Variants in CNTNAP2 observed in about 807,000 individuals in gnomAD.
The protein encoded by CNTNAP2 is contactin associated protein 2.
Under a neutral mutation model 155.2 loss-of-function variants are expected in CNTNAP2, and 98 were observed. That is an observed-to-expected ratio of 0.63 (90% CI 0.54 to 0.75). CNTNAP2 has a LOEUF of 0.75. Among genes scored for constraint, CNTNAP2 ranks in the 30% least tolerant of loss-of-function variants. The pLI is 0.00. For synonymous variants in CNTNAP2, 651 were observed against 631.2 expected (o/e 1.03, Z -0.47); for missense variants, 1,727 against 1,688.1 (o/e 1.02, Z -0.40).
At chr7:147,711,018 C>T (rs906880840) in intron 13 of CNTNAP2, among the ~76,000 whole-genome samples, 1 of 152,164 alleles carries the variant, frequency 6.6e-6, no homozygotes, top group Non-Finnish European at 1.5e-5. Flanking sequence ...CTCAGCAAGA[C>T]ATTTGACATT....
At position 146,580,472 on chromosome 7, in the gene CNTNAP2, T is replaced by TA. The variant is rs71165016; in HGVS notation, c.98-193785dup. Reference sequence around the variant, plus strand: ...AAACAAATGAGGTATTATCCCCAATTAAAAAAAAAAAAAAGATTCAAGAGA... The same window carrying TA: ...AAACAAATGAGGTATTATCCCCAATTAAAAAAAAAAAAAAAGATTCAAGAGA... On this transcript the variant is annotated intron_variant, in intron 1 of 23. Transcript: ENST00000361727. Among the ~76,000 whole-genome samples, 240 of 146,742 alleles carry TA rather than the reference T, an allele frequency of 1.6e-3. 1 individual carries two copies. The highest frequency in any genetic ancestry group is 2.3e-3 in the Non-Finnish European group (155 of 66,576).
chr7:147,891,210 T>TG (rs1799686321), intron 13 of CNTNAP2, among the ~76,000 whole-genome samples: 1 of 147,068 alleles, frequency 6.8e-6, no homozygotes, highest in African/African-American at 2.6e-5. Flanking sequence ...CAAATAGATT[T>TG]TTTTTTTTTT....
At chr7:146,771,790 G>C (rs1283298590) in intron 1 of CNTNAP2, among the ~76,000 whole-genome samples, 1 of 152,046 alleles carries the variant, frequency 6.6e-6, no homozygotes, top group Non-Finnish European at 1.5e-5. Flanking sequence ...GAATTTACAA[G>C]AAAATTAGTT....
chr7:147,374,632 G>C (rs1402291117), intron 9 of CNTNAP2, among the ~76,000 whole-genome samples: 1 of 151,978 alleles, frequency 6.6e-6, no homozygotes, highest in Non-Finnish European at 1.5e-5. Flanking sequence ...TTGTGACATA[G>C]CATATCCCTT....
At chr7:147,671,398 A>G (rs1337329390) in intron 13 of CNTNAP2, among the ~76,000 whole-genome samples, 1 of 152,232 alleles carries the variant, frequency 6.6e-6, no homozygotes, top group Non-Finnish European at 1.5e-5. Context: ...AGCTCTCAGA[A>G]CAACGCTGAG....
chr7:147,053,127 T>A (rs918528593), intron 4 of CNTNAP2, among the ~76,000 whole-genome samples: 2 of 152,102 alleles, frequency 1.3e-5, no homozygotes, highest in African/African-American at 4.8e-5. Flanking sequence ...AGGCTAATGA[T>A]GAAAGTGCAC....
intron 13 of CNTNAP2, among the ~76,000 whole-genome samples, chr7:147,783,499 T>A (rs145282941): frequency 4.1e-4 from 62 of 152,336 alleles, no homozygotes; most frequent in African/African-American, 1.3e-3. Flanking sequence ...CTAGGACTGA[T>A]GCCACAAAGT....
At position 146,361,637 on chromosome 7, in the gene CNTNAP2, C is replaced by G. The variant is rs906023903; in HGVS notation, c.97+244664C>G. Reference sequence around the variant, plus strand: ...GATTCTGTGTCGAATGGTTATGTTCCTCTCTGGTGGAGAGTAGATTACTCC... The same window carrying G: ...GATTCTGTGTCGAATGGTTATGTTCGTCTCTGGTGGAGAGTAGATTACTCC... On this transcript the variant is annotated intron_variant, in intron 1 of 23. Coordinates refer to ENST00000361727, the MANE Select transcript of CNTNAP2 (RefSeq NM_014141.6). 2.0e-5 allele frequency among the ~76,000 whole-genome samples: 3 copies of G among 152,092 alleles called. No homozygotes were observed. The East Asian group carries it at 5.8e-4, about 29-fold the overall frequency.
At chr7:148,097,975 C>G (rs1245387665) in intron 15 of CNTNAP2, among the ~76,000 whole-genome samples, 1 of 152,118 alleles carries the variant, frequency 6.6e-6, no homozygotes, top group Non-Finnish European at 1.5e-5. Flanking sequence ...ATAAAAATTA[C>G]ATGGATAGAG....
intron 3 of CNTNAP2, among the ~76,000 whole-genome samples, chr7:146,876,950 C>G (rs184547567): frequency 5.3e-5 from 8 of 152,206 alleles, no homozygotes; most frequent in Middle Eastern, 6.8e-3. Context: ...TCATATTTCA[C>G]TATTTAGGTT....
chr7:146,383,145 G>T (rs1175362076), intron 1 of CNTNAP2, among the ~76,000 whole-genome samples: 1 of 152,116 alleles, frequency 6.6e-6, no homozygotes, highest in Admixed American at 6.5e-5. Context: ...AGAGAAGTTG[G>T]TGTACTTTAT....
At position 148,172,489 on chromosome 7, in the gene CNTNAP2, A is replaced by G. The variant is rs747599655; in HGVS notation, c.3010+11A>G. ...CATTTTGCAACAAAGGTAAGGTGGA[A>G]CCCATTTCCAGAGCCACTTTTGCGT... is the stretch of plus-strand genomic sequence containing the variant. On this transcript the variant is annotated intron_variant, in intron 18 of 23. Coordinates refer to ENST00000361727, the MANE Select transcript of CNTNAP2 (RefSeq NM_014141.6). 6.2e-7 allele frequency: 1 copy of G among 1,611,946 alleles called. No individual in the cohort carries two copies.
chr7:147,553,237 A>G (rs1799885617), intron 11 of CNTNAP2, among the ~76,000 whole-genome samples: 1 of 152,146 alleles, frequency 6.6e-6, no homozygotes, highest in African/African-American at 2.4e-5. Context: ...CCTTGAATCT[A>G]AGATCGCAGA....
chr7:146,535,265 T>C (rs1210542466), intron 1 of CNTNAP2, among the ~76,000 whole-genome samples: 1 of 56,632 alleles, frequency 1.8e-5, no homozygotes, highest in South Asian at 5.2e-4. Context: ...TATTATATCA[T>C]ATATATTATA....
chr7:147,420,014 A>G (rs2116505958), intron 10 of CNTNAP2, among the ~76,000 whole-genome samples: 1 of 152,330 alleles, frequency 6.6e-6, no homozygotes, highest in East Asian at 1.9e-4. Flanking sequence ...ATTCCACTAG[A>G]CACACAGGGC....
At chr7:146,400,797 G>C (rs1795703167) in intron 1 of CNTNAP2, among the ~76,000 whole-genome samples, 1 of 152,236 alleles carries the variant, frequency 6.6e-6, no homozygotes, top group South Asian at 2.1e-4. Flanking sequence ...ATAAGGAGTT[G>C]CAGAGGCTGA....
At chr7:147,384,285 G>A (rs928792407) in intron 9 of CNTNAP2, among the ~76,000 whole-genome samples, 1 of 152,158 alleles carries the variant, frequency 6.6e-6, no homozygotes. Flanking sequence ...CAGAAAAAGT[G>A]AAACTCATGT....
chr7:147,363,190 C>T (rs557922277), intron 9 of CNTNAP2, among the ~76,000 whole-genome samples: 47 of 152,174 alleles, frequency 3.1e-4, no homozygotes, highest in Non-Finnish European at 6.5e-4. Flanking sequence ...GATTAGCACT[C>T]CTATAAAAAG....
chr7:147,122,588 A>G (rs976568637), intron 6 of CNTNAP2: 3 of 152,242 alleles, frequency 2.0e-5, no homozygotes, highest in African/African-American at 7.2e-5. Context: ...TTTACTCTAC[A>G]TGATACTCTG....
Sources: gnomAD v4.1 joint callset for allele counts (sites outside exome capture counted in the v4.1 genomes callset) on GRCh38, gnomAD v4.1.1 for gene constraint, MANE v1.5 for transcripts, NCBI Gene and HGNC (gene_info 2026-07-23, HGNC 2026-07-21) for gene names.